EFEMP1: variants seen among roughly 807,000 people sequenced by gnomAD.
The protein encoded by EFEMP1 is EGF-containing fibulin-like extracellular matrix protein 1.
In EFEMP1, 18 loss-of-function variants were observed where a neutral mutation model predicts 65.7. The observed-to-expected ratio is 0.27, with a 90% CI of 0.19 to 0.41. The LOEUF (loss-of-function observed/expected upper bound fraction) is 0.41, where lower values mean the gene tolerates loss of function less well. Ranked by LOEUF, EFEMP1 falls within the 10% of genes least tolerant of loss-of-function variation. EFEMP1 has a pLI of 1.00. For synonymous variants in EFEMP1, 237 were observed against 219.7 expected (o/e 1.08, Z -0.70); for missense variants, 469 against 624.8 (o/e 0.75, Z 2.66).
At chr2:55,869,357 T>G (rs1041002917) in intron 11 of EFEMP1, among the ~76,000 whole-genome samples, 1 of 152,188 alleles carries the variant, frequency 6.6e-6, no homozygotes, top group East Asian at 1.9e-4. Context: ...ATCTGAATTG[T>G]GTAAAATTCA....
chr2:55,923,690 C>A lies in EFEMP1; in HGVS notation c.-49+21G>T. 1.0e-6 allele frequency: 1 copy of A among 985,648 alleles called. No homozygotes were observed. Among genetic ancestry groups the A allele is most frequent in the African/African-American group, 1.7e-5 (1 of 57,340 alleles). The allele number at this position is 985,648 out of a possible 1,614,324, so 61.1% of individuals were successfully genotyped here. ...TGAGTACTGGGCTCGCTCGGGGCGA[C>A]CCCCCGTTGGGGGCTCCTACCTGTG... On this transcript the variant is annotated intron_variant, in intron 1 of 11. Coordinates refer to ENST00000355426, the MANE Select transcript of EFEMP1 (RefSeq NM_001039348.3). This position sits in a 1 kb window ranked among gnomAD's most constrained non-coding sequence, Gnocchi z 5.3.
chr2:55,914,734 A>G (rs1372264929), intron 5 of EFEMP1, among the ~76,000 whole-genome samples: 1 of 152,240 alleles, frequency 6.6e-6, no homozygotes, highest in Non-Finnish European at 1.5e-5. Flanking sequence ...TATTCTATCC[A>G]GTAGACCATA....
chr2:55,900,209 A>G (rs1669979417), intron 5 of EFEMP1, among the ~76,000 whole-genome samples: 1 of 152,224 alleles, frequency 6.6e-6, no homozygotes, highest in African/African-American at 2.4e-5. Context: ...TCAAGAGAAT[A>G]TATTAGCAAA....
Position 55,923,286 on chromosome 2 carries a change from G to T in EFEMP1, c.-48-347C>A, listed in dbSNP as rs1250496591. 6.6e-6 allele frequency among the ~76,000 whole-genome samples: 1 copy of T among 152,148 alleles called. No homozygotes were observed. Among genetic ancestry groups the T allele is most frequent in the African/African-American group, 2.4e-5 (1 of 41,438 alleles). On this transcript the variant is annotated intron_variant, in intron 1 of 11. Coordinates refer to ENST00000355426, the MANE Select transcript of EFEMP1 (RefSeq NM_001039348.3). This position sits in a 1 kb window ranked among gnomAD's most constrained non-coding sequence, Gnocchi z 5.3. The stretch of plus-strand genomic sequence containing the variant: ...CAGCCCAAGGTACCAGTTTCGGGCG[G>T]GCGGCCTGGCCCGGCAGGGAGATGA...
At chr2:55,888,209 T>C (rs577369475) in intron 5 of EFEMP1, among the ~76,000 whole-genome samples, 1 of 152,372 alleles carries the variant, frequency 6.6e-6, no homozygotes, top group East Asian at 1.9e-4. Flanking sequence ...ATGAAGCTTA[T>C]GCTTTCAGAA....
At position 55,907,215 on chromosome 2, in the gene EFEMP1, G is replaced by A. The variant is rs1670315333; in HGVS notation, c.517+10450C>T. Among the ~76,000 whole-genome samples, 4 of 152,282 alleles carry A rather than the reference G, an allele frequency of 2.6e-5. No homozygotes were observed. The South Asian group carries it at 8.3e-4, about 32-fold the overall frequency. ...ATGATCAGTTTCATTTTGGTACATGGTACCTTCCTACTGAAAATAATGTGT... is the reference window on the plus strand; with the variant it reads ...ATGATCAGTTTCATTTTGGTACATGATACCTTCCTACTGAAAATAATGTGT... On this transcript the variant is annotated intron_variant, in intron 5 of 11. Coordinates refer to ENST00000355426, the MANE Select transcript of EFEMP1 (RefSeq NM_001039348.3).
At position 55,870,761 on chromosome 2, in the gene EFEMP1, G is replaced by A; in HGVS notation, c.1279C>T (p.Arg427Trp). ...CCATTTTCATTTCCAGATTTAATCC[G>A]AAAAGTATTGATGGTGTTGGCATAA... ...TIYANTINTFRIKSGNENGEF... is the reference protein window; with the variant it reads ...TIYANTINTFWIKSGNENGEF... The change falls in exon 11 of 12, where the codon CGG (arginine) becomes TGG (tryptophan). Residue 427 changes from arginine (R) to tryptophan (W), a missense_variant. Physicochemically the swap from Arg to Trp is moderately radical, Grantham distance 101. Coordinates refer to ENST00000355426, the MANE Select transcript of EFEMP1 (RefSeq NM_001039348.3). This position sits in a 1 kb window ranked among gnomAD's most constrained non-coding sequence, Gnocchi z 5.8. 1.2e-6 allele frequency: 2 copies of A among 1,613,708 alleles called. No individual in the cohort carries two copies. Among genetic ancestry groups the A allele is most frequent in the Non-Finnish European group, 1.7e-6 (2 of 1,179,728 alleles).
intron 5 of EFEMP1, among the ~76,000 whole-genome samples, chr2:55,903,876 T>C (rs1374820963): frequency 6.6e-6 from 1 of 152,154 alleles, no homozygotes; most frequent in African/African-American, 2.4e-5. Context: ...CTACTTTTGA[T>C]TGGTATAGTC....
At chr2:55,900,726 T>C (rs1404145273) in intron 5 of EFEMP1, among the ~76,000 whole-genome samples, 1 of 152,220 alleles carries the variant, frequency 6.6e-6, no homozygotes, top group Non-Finnish European at 1.5e-5. Flanking sequence ...GGAAACTGGA[T>C]GTGGCTGGCA....
intron 5 of EFEMP1, among the ~76,000 whole-genome samples, chr2:55,898,785 T>G (rs974249582): frequency 6.6e-6 from 1 of 152,148 alleles, no homozygotes; most frequent in African/African-American, 2.4e-5. Flanking sequence ...TTTTCCGATC[T>G]TGTTTCCTGC....
At chr2:55,881,353 G>A (rs1462514204) in intron 6 of EFEMP1, among the ~76,000 whole-genome samples, 3 of 152,252 alleles carry the variant, frequency 2.0e-5, no homozygotes, top group Admixed American at 6.5e-5. Flanking sequence ...TTTTGTGGTT[G>A]TTTTTATTGT....
At chr2:55,914,209 G>C (rs1558487522) in intron 5 of EFEMP1, among the ~76,000 whole-genome samples, 1 of 152,138 alleles carries the variant, frequency 6.6e-6, no homozygotes, top group Admixed American at 6.5e-5. Context: ...ATGTAACACT[G>C]AAATGATCTT....
intron 5 of EFEMP1, among the ~76,000 whole-genome samples, chr2:55,899,866 C>T (rs939149146): frequency 6.6e-6 from 1 of 152,148 alleles, no homozygotes. Context: ...AAGTCTTATT[C>T]AGAGAGCATG....
intron 5 of EFEMP1, among the ~76,000 whole-genome samples, chr2:55,904,691 T>C (rs911550896): frequency 2.6e-4 from 39 of 152,336 alleles, no homozygotes; most frequent in African/African-American, 9.1e-4. Context: ...CTCTGGGACT[T>C]ACACTAGCAG....
chr2:55,866,034 T>G lies in EFEMP1; in HGVS notation c.*1039A>C, dbSNP rs1284454126. 6.6e-6 allele frequency: 1 copy of G among 152,220 alleles called. No individual in the cohort carries two copies. Among genetic ancestry groups the G allele is most frequent in the African/African-American group, 2.4e-5 (1 of 41,452 alleles). The allele number at this position is 152,220 out of a possible 1,614,324, so 9.4% of individuals were successfully genotyped here. On this transcript the variant is annotated 3_prime_UTR_variant, in exon 12 of 12. Transcript: ENST00000355426. Reference sequence around the variant, plus strand: ...ACATCAAAGTAAAGCAGTGACATTTTAAACAAGGAGACGTATAAAATATTC... The same window carrying G: ...ACATCAAAGTAAAGCAGTGACATTTGAAACAAGGAGACGTATAAAATATTC...
intron 8 of EFEMP1, among the ~76,000 whole-genome samples, chr2:55,875,372 A>ACAT (rs1668993177): frequency 6.7e-6 from 1 of 148,900 alleles, no homozygotes; most frequent in Non-Finnish European, 1.5e-5. Context: ...ACACATATAT[A>ACAT]TTTTTTTTGT....
intron 5 of EFEMP1, among the ~76,000 whole-genome samples, chr2:55,904,822 G>A (rs1330466077): frequency 1.3e-5 from 2 of 152,088 alleles, no homozygotes; most frequent in Non-Finnish European, 2.9e-5. Flanking sequence ...ATAATCACAT[G>A]AGAAATTCTC....
chr2:55,871,258 C>A lies in EFEMP1; in HGVS notation c.1001-135G>T, dbSNP rs1668798394. 2 of 1,198,294 alleles carry A rather than the reference C, an allele frequency of 1.7e-6. No homozygotes were observed. The highest frequency in any genetic ancestry group is 2.4e-6 in the Non-Finnish European group (2 of 830,428). 74.2% of individuals were successfully genotyped at this position (1,198,294 alleles called of 1,614,324 possible). A position where few individuals can be genotyped will look rare whatever the true frequency, so the allele number is the denominator to read the frequency against. ...GGACTGTGTTCAACCTGCTTTTAGA[C>A]ACAAGACTGGGTGTTCATTGTATTG... is the stretch of plus-strand genomic sequence containing the variant. On this transcript the variant is annotated intron_variant, in intron 9 of 11. Coordinates refer to ENST00000355426, the MANE Select transcript of EFEMP1 (RefSeq NM_001039348.3). This position sits in a 1 kb window ranked among gnomAD's most constrained non-coding sequence, Gnocchi z 4.2.
chr2:55,886,334 T>C lies in EFEMP1; in HGVS notation c.518-4600A>G, dbSNP rs1669419641. Among the ~76,000 whole-genome samples the C allele has an allele frequency of 6.6e-6, 1 of 152,128 alleles. No homozygotes were observed. Among genetic ancestry groups the C allele is most frequent in the Non-Finnish European group, 1.5e-5 (1 of 68,004 alleles). On this transcript the variant is annotated intron_variant, in intron 5 of 11. Coordinates refer to ENST00000355426, the MANE Select transcript of EFEMP1 (RefSeq NM_001039348.3). The surrounding 1 kb of genome is among the most constrained non-coding windows in gnomAD (Gnocchi z 4.0). ...GTTTCCAGACTGTAAACCCCTGGAG[T>C]AAAATAACCGTATCTTTACTAGTTC...
Sources: gnomAD v4.1 joint callset for allele counts (sites outside exome capture counted in the v4.1 genomes callset) on GRCh38, gnomAD v4.1.1 for gene constraint, Gnocchi (gnomAD v3.1) non-coding constraint, MANE v1.5 for transcripts, NCBI Gene and HGNC (gene_info 2026-07-23, HGNC 2026-07-21) for gene names.